Variants in TMEM242 observed in about 807,000 individuals in gnomAD.
The protein encoded by TMEM242 is transmembrane protein 242, also known as UPF0463 transmembrane protein C6orf35.
A neutral mutation model predicts 18.2 loss-of-function variants in TMEM242; 10 were observed. That is an observed-to-expected ratio of 0.55 (90% CI 0.34 to 0.93). The LOEUF is 0.93. TMEM242 is among the 40% of genes least tolerant of loss of function. The pLI is 0.02. For missense variants in TMEM242, 186 were observed against 175.5 expected (o/e 1.06, Z -0.34); for synonymous variants, 57 against 69.9 (o/e 0.81, Z 0.92).
chr6:157,302,130 G>A (rs1465477420), intron 3 of TMEM242, among the ~76,000 whole-genome samples: 1 of 152,166 alleles, frequency 6.6e-6, no homozygotes, highest in African/African-American at 2.4e-5. Context: ...AGGGGACTAG[G>A]TACATGAATC....
Position 157,322,192 on chromosome 6 carries a change from G to A in TMEM242, c.189+513C>T, listed in dbSNP as rs143820963. 4.2e-3 allele frequency among the ~76,000 whole-genome samples: 638 copies of A among 152,286 alleles called. 2 individuals carry two copies. Among genetic ancestry groups the A allele is most frequent in the African/African-American group, 0.015 (610 of 41,546 alleles). On this transcript the variant is annotated intron_variant, in intron 2 of 3. Coordinates refer to ENST00000400788, the MANE Select transcript of TMEM242 (RefSeq NM_018452.6). Reference sequence around the variant, plus strand: ...GTCACCCAGGTTGAAGTGCAGTGGTGTTATCTGGGCTCACTACAACCTCAG... The same window carrying A: ...GTCACCCAGGTTGAAGTGCAGTGGTATTATCTGGGCTCACTACAACCTCAG...
intron 3 of TMEM242, chr6:157,299,592 C>T: frequency 6.3e-7 from 1 of 1,586,314 alleles, no homozygotes; most frequent in Non-Finnish European, 8.7e-7. Context: ...AAGTTATCCA[C>T]TGGATTGGAA....
intron 3 of TMEM242, among the ~76,000 whole-genome samples, chr6:157,316,415 G>A (rs587765816): frequency 2.6e-5 from 4 of 152,314 alleles, no homozygotes; most frequent in Middle Eastern, 3.4e-3. Flanking sequence ...TGTCTAAAAT[G>A]TCTGTAGAAT....
rs587713495 is a variant in TMEM242, at chr6:157,290,319, A to G, written c.*2582T>C. 27 of 152,342 alleles carry G rather than the reference A, an allele frequency of 1.8e-4. No homozygotes were observed. Among genetic ancestry groups the G allele is most frequent in the African/African-American group, 6.0e-4 (25 of 41,580 alleles). The allele number at this position is 152,342 out of a possible 1,614,324, so 9.4% of individuals were successfully genotyped here. A position where few individuals can be genotyped will look rare whatever the true frequency, so the allele number is the denominator to read the frequency against. On this transcript the variant is annotated 3_prime_UTR_variant, in exon 4 of 4. Coordinates refer to ENST00000400788, the MANE Select transcript of TMEM242 (RefSeq NM_018452.6). The stretch of plus-strand genomic sequence containing the variant: ...AAAGCATTTCTAGTGCTCAGCCTCC[A>G]TGAAATGGATTGCTTATAGGGAGAT...
intron 3 of TMEM242, among the ~76,000 whole-genome samples, chr6:157,314,738 A>G (rs1351464780): frequency 6.6e-6 from 1 of 152,266 alleles, no homozygotes; most frequent in Non-Finnish European, 1.5e-5. Context: ...TAATGTTATT[A>G]TATGCATTCT....
chr6:157,293,138 CTATATATATCCT>C (rs1200269041), intron 3 of TMEM242, 139 bp from the exon 4 acceptor site: 20 of 587,474 alleles, frequency 3.4e-5, no homozygotes, highest in Non-Finnish European at 5.5e-5. Context: ...AAGATAGGGA[CTATATATATCCT>C]AGGTATCTTG....
intron 3 of TMEM242, among the ~76,000 whole-genome samples, chr6:157,313,348 G>C (rs868960564): frequency 1.8e-4 from 2 of 10,996 alleles, no homozygotes; most frequent in African/African-American, 2.7e-4. Context: ...GTGCCCCAGT[G>C]TGCGCTCACC....
chr6:157,305,356 G>A lies in TMEM242; in HGVS notation c.328-12357C>T, dbSNP rs1020755977. Among the ~76,000 whole-genome samples, 13 of 152,046 alleles carry A rather than the reference G, an allele frequency of 8.6e-5. No homozygotes were observed. Among genetic ancestry groups the A allele is most frequent in the African/African-American group, 2.9e-4 (12 of 41,466 alleles). ...GTTTGAAGTGGAAGGATGAGATGACGGTGGCATTTACGGAATGGGGAAGAC... is the reference window on the plus strand; with the variant it reads ...GTTTGAAGTGGAAGGATGAGATGACAGTGGCATTTACGGAATGGGGAAGAC... On this transcript the variant is annotated intron_variant, in intron 3 of 3. Coordinates refer to ENST00000400788, the MANE Select transcript of TMEM242 (RefSeq NM_018452.6). The surrounding 1 kb of genome is among the most constrained non-coding windows in gnomAD (Gnocchi z 4.1).
intron 2 of TMEM242, among the ~76,000 whole-genome samples, chr6:157,321,933 A>G (rs1283293223): frequency 2.0e-5 from 3 of 152,336 alleles, no homozygotes; most frequent in South Asian, 2.1e-4. Context: ...GAAGCTCCAT[A>G]TAAGCTTAGA....
Position 157,289,911 on chromosome 6 carries a change from C to G in TMEM242, c.*2990G>C, listed in dbSNP as rs1227567444. 1 of 152,270 alleles carries G rather than the reference C, an allele frequency of 6.6e-6. No individual in the cohort carries two copies. The highest frequency in any genetic ancestry group is 1.5e-5 in the Non-Finnish European group (1 of 68,052). 9.4% of individuals were successfully genotyped at this position (152,270 alleles called of 1,614,324 possible). A position where few individuals can be genotyped will look rare whatever the true frequency, so the allele number is the denominator to read the frequency against. On this transcript the variant is annotated 3_prime_UTR_variant, in exon 4 of 4. Coordinates refer to ENST00000400788, the MANE Select transcript of TMEM242 (RefSeq NM_018452.6). ...TGGAGATGGCCCACGACCCTCTCAG[C>G]AGCCACATGCTTCCATGCCCTTGGG... is the stretch of plus-strand genomic sequence containing the variant.
chr6:157,309,674 A>G lies in TMEM242; in HGVS notation c.327+9108T>C, dbSNP rs191267782. Among the ~76,000 whole-genome samples, 744 of 152,326 alleles carry G rather than the reference A, an allele frequency of 4.9e-3. 6 individuals are homozygous for G. The highest frequency in any genetic ancestry group is 0.048 in the Middle Eastern group (14 of 294). ...CCAAAGTACTGAGATTGCAGGCATG[A>G]GCCACCGCCCACCTAACAAATACTT... On this transcript the variant is annotated intron_variant, in intron 3 of 3. Coordinates refer to ENST00000400788, the MANE Select transcript of TMEM242 (RefSeq NM_018452.6).
At chr6:157,313,511 CCCAG>C (rs1778280327) in intron 3 of TMEM242, among the ~76,000 whole-genome samples, 2 of 144,992 alleles carry the variant, frequency 1.4e-5, no homozygotes, top group Non-Finnish European at 1.5e-5. Context: ...ATCATAGTAC[CCCAG>C]TGTGCAGTCA....
chr6:157,313,374 G>GTC (rs1562386211), intron 3 of TMEM242, among the ~76,000 whole-genome samples: 12 of 82,416 alleles, frequency 1.5e-4, no homozygotes, highest in African/African-American at 5.7e-4. Context: ...TCATCATAGT[G>GTC]CCTCAGTGTA....
At chr6:157,303,760 T>C (rs1583558668) in intron 3 of TMEM242, among the ~76,000 whole-genome samples, 2 of 140,254 alleles carry the variant, frequency 1.4e-5, no homozygotes, top group South Asian at 4.3e-4. Context: ...TGAAAAATCA[T>C]AGAATGCAAA....
chr6:157,308,875 T>C (rs1309053680), intron 3 of TMEM242, among the ~76,000 whole-genome samples: 2 of 152,262 alleles, frequency 1.3e-5, no homozygotes, highest in African/African-American at 4.8e-5. Context: ...TCTGGAGGGC[T>C]GGTTAGCAAC....
rs369746766 is a variant in TMEM242 at position 157,312,978 on chromosome 6, G to T, written c.327+5804C>A. Among the ~76,000 whole-genome samples the T allele has an allele frequency of 4.6e-3, 11 of 2,368 alleles. No homozygotes were observed. In the East Asian group the frequency reaches 0.058, roughly 13 times the overall value. 1.6% of individuals were successfully genotyped at this position (2,368 alleles called of 152,430 possible). A position where few individuals can be genotyped will look rare whatever the true frequency, so the allele number is the denominator to read the frequency against. On this transcript the variant is annotated intron_variant, in intron 3 of 3. Transcript: ENST00000400788. ...GCCTCATCATAGTGCCTCAGTGTGC[G>T]CTCACCTAGCCTCATCATAGTGTCC...
At chr6:157,300,089 C>A in intron 3 of TMEM242, 1 of 688,400 alleles carries the variant, frequency 1.5e-6, no homozygotes. Flanking sequence ...CGAGCTCACT[C>A]TCCGGCTGGC....
chr6:157,315,818 T>C (rs757639182), intron 3 of TMEM242, among the ~76,000 whole-genome samples: 37 of 152,224 alleles, frequency 2.4e-4, no homozygotes, highest in Non-Finnish European at 5.0e-4. Flanking sequence ...GGTAACAAGA[T>C]AGCTCCCAAT....
At chr6:157,296,479 GA>G (rs1777750971) in intron 3 of TMEM242, among the ~76,000 whole-genome samples, 2 of 152,164 alleles carry the variant, frequency 1.3e-5, no homozygotes. Flanking sequence ...TTGAGGCCAG[GA>G]ATTCGAGACC....
Sources: allele counts gnomAD v4.1 joint callset (sites outside exome capture counted in the v4.1 genomes callset), GRCh38; gene constraint gnomAD v4.1.1; non-coding constraint Gnocchi (gnomAD v3.1); transcripts MANE v1.5; gene names NCBI Gene and HGNC (gene_info 2026-07-23, HGNC 2026-07-21).